The following WDR18 variants were observed in gnomAD, a reference collection of about 807,000 sequenced individuals.
WDR18 encodes WD repeat domain 18.
In WDR18, 33 loss-of-function variants were observed where a neutral mutation model predicts 49.6. That is an observed-to-expected ratio of 0.67 (90% CI 0.50 to 0.89). The LOEUF is 0.89. WDR18 is among the 40% of genes least tolerant of loss of function. The pLI, the probability that WDR18 is intolerant of heterozygous loss-of-function variation, is 0.00. For missense variants in WDR18, 653 were observed against 593.6 expected, an observed-to-expected ratio of 1.10 and a Z score of -1.04; for synonymous variants, 315 against 263.6, an observed-to-expected ratio of 1.19 and a Z score of -1.89.
At chr19:984,794 C>G (rs1280548981) in intron 1 of WDR18, among the ~76,000 whole-genome samples, 1 of 135,034 alleles carries the variant, frequency 7.4e-6, no homozygotes, top group Non-Finnish European at 1.6e-5. Context: ...GCTATGGGGG[C>G]AGTGGGGGAA....
At chr19:993,022 GAC>G (rs1568386041) in intron 8 of WDR18, among the ~76,000 whole-genome samples, 1 of 152,232 alleles carries the variant, frequency 6.6e-6, no homozygotes, top group Non-Finnish European at 1.5e-5. Flanking sequence ...CTCATGGAGT[GAC>G]ACTCTGTTTT....
chr19:986,140 C>T (rs368797219), intron 2 of WDR18, among the ~76,000 whole-genome samples, 165 bp downstream of exon 2: 1 of 152,198 alleles, frequency 6.6e-6, no homozygotes, highest in South Asian at 2.1e-4. Context: ...CTCCAGGTCC[C>T]CTCGAGACTT....
At chr19:982,962 C>G (rs574414304), upstream of WDR18, among the ~76,000 whole-genome samples, 225 of 152,278 alleles carry the variant, frequency 1.5e-3, no homozygotes, top group Non-Finnish European at 2.4e-3. Flanking sequence ...CCGGGAGCCG[C>G]GGACCAGGAG....
chr19:984,444 C>A lies in WDR18; in HGVS notation c.91C>A (p.Leu31Met), dbSNP rs753803817. The A allele has an allele frequency of 1.9e-6, 3 of 1,599,456 alleles. No individual in the cohort carries two copies. The African/African-American group carries it at 4.1e-5, about 22-fold the overall frequency. Residue 31 changes from leucine (L) to methionine (M), a missense_variant, in exon 1 of 10, where the codon CTG (leucine) becomes ATG (methionine). Leu to Met is a conservative substitution (Grantham distance 15, BLOSUM62 2). Transcript: ENST00000585809. ...GTGGGAACTTCACTCGGGCGCCAAC[C>A]TGCTCACCTACCGCGGCGGCCAGGC... ...IVWELHSGANLLTYRGGQAGP... is the reference protein window; with the variant it reads ...IVWELHSGANMLTYRGGQAGP...
intron 2 of WDR18, among the ~76,000 whole-genome samples, chr19:987,110 A>G (rs986695076): frequency 2.6e-5 from 4 of 152,232 alleles, no homozygotes; most frequent in Non-Finnish European, 4.4e-5. Context: ...TGGGAGGCTG[A>G]GACGGGCAGA....
rs2038606190 is a variant in WDR18, at chr19:994,462, G to A, written c.*118G>A. The A allele has an allele frequency of 2.1e-6, 3 of 1,415,514 alleles. No individual in the cohort carries two copies. The African/African-American group carries it at 4.3e-5, about 20-fold the overall frequency. 87.7% of individuals were successfully genotyped at this position (1,415,514 alleles called of 1,614,324 possible). On this transcript the variant is annotated 3_prime_UTR_variant, in exon 10 of 10. Coordinates refer to ENST00000585809, the MANE Select transcript of WDR18 (RefSeq NM_024100.4). ...TGGACTCTCCTCAGTTCTGTGTCGT[G>A]TTCGGGTTTTTCCTCTGTGACTGGG...
At chr19:989,938 G>T in intron 3 of WDR18, 43 bp downstream of exon 3, 1 of 1,551,446 alleles carries the variant, frequency 6.4e-7, no homozygotes, top group South Asian at 1.2e-5. Context: ...AACTGCACCC[G>T]GGCTCAGGCG....
chr19:991,493 G>A (rs1359217452), intron 7 of WDR18, 142 bp downstream of exon 7: 2 of 861,412 alleles, frequency 2.3e-6, no homozygotes, highest in East Asian at 3.7e-5. Flanking sequence ...TGTGGGGCGG[G>A]GCCTGGCTGG....
chr19:989,341 G>A (rs1225981166), intron 2 of WDR18, among the ~76,000 whole-genome samples: 3 of 152,038 alleles, frequency 2.0e-5, no homozygotes, highest in Non-Finnish European at 4.4e-5. Flanking sequence ...CACCACCCTG[G>A]GTCAGGCCAC....
In WDR18 at chr19:994,045, G is replaced by T. The variant is rs374385418; in HGVS notation, c.1124G>T (p.Arg375Leu). 14 of 1,559,698 alleles carry T rather than the reference G, an allele frequency of 9.0e-6. No individual in the cohort carries two copies. The highest frequency in any genetic ancestry group is 1.4e-5 in the African/African-American group (1 of 73,656). ...GGCTCGGAGCCCAGCTACCTGGACCGCACGGAGCAGCTGCAGGCCGTCCTG... is the reference window on the plus strand; with the variant it reads ...GGCTCGGAGCCCAGCTACCTGGACCTCACGGAGCAGCTGCAGGCCGTCCTG... ...QQGSEPSYLD[R>L]TEQLQAVLCS... The change falls in exon 9 of 10, where the codon CGC becomes CTC. Residue 375 changes from arginine to leucine, a missense_variant. Physicochemically the swap from Arg to Leu is moderately radical, Grantham distance 102. Transcript: ENST00000585809.
intron 2 of WDR18, 64 bp from the exon 3 acceptor site, chr19:989,698 G>T (rs1374838785): frequency 1.9e-6 from 3 of 1,594,908 alleles, no homozygotes; most frequent in Non-Finnish European, 8.5e-7. Context: ...TCCTGGGGCT[G>T]CAGCCCCCCT....
chr19:984,227 C>A (rs1341927508), upstream of WDR18: 8 of 1,009,430 alleles, frequency 7.9e-6, no homozygotes, highest in African/African-American at 6.9e-5. Flanking sequence ...CCCCTCTCTC[C>A]GAGGCACGGG....
In WDR18 at chr19:990,865, C is replaced by T. The variant is rs371153319; in HGVS notation, c.611C>T (p.Ser204Phe). The T allele has an allele frequency of 2.5e-6, 4 of 1,609,140 alleles. No homozygotes were observed. Among genetic ancestry groups the T allele is most frequent in the Non-Finnish European group, 3.4e-6 (4 of 1,177,818 alleles). Residue 204 changes from serine (S) to phenylalanine (F), a missense_variant, in exon 5 of 10, where the codon TCC (serine) becomes TTC (phenylalanine). Ser to Phe is a radical substitution (Grantham distance 155). Transcript: ENST00000585809. ...GCCCACCCGCAGCTATGGGAGGTCT[C>T]CTCGGGGGAGCTGCTGCTCTCCGTC... ...LDQTVKLWEVSSGELLLSVLF... is the reference protein window; with the variant it reads ...LDQTVKLWEVFSGELLLSVLF...
rs956820126 is a variant in WDR18 at position 991,332 on chromosome 19, C to A, written c.912C>A (p.Ile304=). ...RLWDVQSKQC[I]RTVALKGPVT... ...GGGACGTGCAGAGCAAGCAGTGCAT[C>A]CGGACGGTGGCCCTCAAAGGTGGGC... Residue 304 remains isoleucine, a synonymous_variant, in exon 7 of 10, where the codon ATC becomes ATA. Transcript: ENST00000585809. The A allele has an allele frequency of 6.4e-7, 1 of 1,556,264 alleles. No homozygotes were observed. The highest frequency in any genetic ancestry group is 8.7e-7 in the Non-Finnish European group (1 of 1,150,346).
In WDR18 at chr19:991,171, G is replaced by T. The variant is rs114066284; in HGVS notation, c.806+26G>T. 3.9e-3 allele frequency: 6,038 copies of T among 1,539,732 alleles called. 217 individuals are homozygous for T. The African/African-American group carries it at 0.082, about 21-fold the overall frequency. The stretch of plus-strand genomic sequence containing the variant: ...GTGGGGACGTGGGAACGGGGCGGGG[G>T]CTCCCAGGCACGTCCTGTCTGGCAC... On this transcript the variant is annotated intron_variant, in intron 6 of 9. Coordinates refer to ENST00000585809, the MANE Select transcript of WDR18 (RefSeq NM_024100.4).
At chr19:983,671 C>T (rs2038442000), upstream of WDR18, among the ~76,000 whole-genome samples, 2 of 151,958 alleles carry the variant, frequency 1.3e-5, no homozygotes, top group Admixed American at 1.3e-4. Context: ...TTGACCTACA[C>T]CAAGCTATCC....
upstream of WDR18, chr19:984,291 C>G (rs2038449717): frequency 6.9e-7 from 1 of 1,453,302 alleles, no homozygotes; most frequent in Non-Finnish European, 9.1e-7. Context: ...CTCTGGCCCG[C>G]GTGGGGCAGT....
At chr19:991,691 T>C (rs1599448165) in intron 7 of WDR18, among the ~76,000 whole-genome samples, 1 of 8,092 alleles carries the variant, frequency 1.2e-4, no homozygotes, top group South Asian at 4.0e-3. Context: ...GGACTGACTG[T>C]GGGGCGGGGC....
chr19:991,914 C>T (rs756030889), intron 7 of WDR18, 41 bp from the exon 8 acceptor site: 10 of 1,461,434 alleles, frequency 6.8e-6, no homozygotes, highest in Admixed American at 2.3e-5. Flanking sequence ...GGGGTGGGGC[C>T]TGGCTGGGAT....
Sources: gnomAD v4.1 joint callset for allele counts (sites outside exome capture counted in the v4.1 genomes callset) on GRCh38, gnomAD v4.1.1 for gene constraint, MANE v1.5 for transcripts, NCBI Gene and HGNC (gene_info 2026-07-23, HGNC 2026-07-21) for gene names.